Variants in GPLD1 observed in about 807,000 individuals in gnomAD.
The protein encoded by GPLD1 is phosphatidylinositol-glycan-specific phospholipase D.
Under a neutral mutation model 112.6 loss-of-function variants are expected in GPLD1, and 84 were observed. The ratio of observed to expected loss-of-function variants is 0.75; its 90% CI spans 0.63 to 0.89. GPLD1 has a LOEUF of 0.89. Among genes scored for constraint, GPLD1 ranks in the 40% least tolerant of loss-of-function variants. The pLI, the probability that GPLD1 is intolerant of heterozygous loss-of-function variation, is 0.00. For missense variants in GPLD1, 1,044 were observed against 1,051.5 expected, an observed-to-expected ratio of 0.99 and a Z score of 0.10; for synonymous variants, 386 against 403.8, an observed-to-expected ratio of 0.96 and a Z score of 0.53.
At position 24,457,479 on chromosome 6, in the gene GPLD1, TCAA is replaced by T. The variant is rs370044973; in HGVS notation, c.1009-845_1009-843del. ...CTGAGCAACAGAATGAGACTCTGTC[TCAA>T]CAACAAGAAAAAGAACAAGTCCTTT... On this transcript the variant is annotated intron_variant, in intron 12 of 24. Coordinates refer to ENST00000230036, the MANE Select transcript of GPLD1 (RefSeq NM_001503.4). 1.9e-3 allele frequency among the ~76,000 whole-genome samples: 293 copies of T among 152,272 alleles called. 2 individuals are homozygous for T. Among genetic ancestry groups the T allele is most frequent in the African/African-American group, 6.8e-3 (284 of 41,560 alleles).
intron 17 of GPLD1, among the ~76,000 whole-genome samples, chr6:24,447,524 G>GA (rs1762947295): frequency 7.0e-6 from 1 of 142,490 alleles, no homozygotes; most frequent in Admixed American, 7.1e-5. Flanking sequence ...TCAAAAAAAA[G>GA]AAAAAACAAC....
At chr6:24,459,977 T>G (rs1172366616) in intron 12 of GPLD1, among the ~76,000 whole-genome samples, 1 of 152,176 alleles carries the variant, frequency 6.6e-6, no homozygotes, top group East Asian at 1.9e-4. Flanking sequence ...TAGCTCACTG[T>G]AGCCTTGAAC....
At chr6:24,484,161 C>T (rs1181579775) in intron 2 of GPLD1, among the ~76,000 whole-genome samples, 4 of 152,070 alleles carry the variant, frequency 2.6e-5, no homozygotes, top group Non-Finnish European at 4.4e-5. Context: ...ATGATCTGCC[C>T]GCCTTGGCCT....
intron 24 of GPLD1, among the ~76,000 whole-genome samples, chr6:24,431,736 T>C (rs1762411240): frequency 6.6e-6 from 1 of 151,436 alleles, no homozygotes. Flanking sequence ...GGTTTCACCA[T>C]GTTGACCAGG....
intron 1 of GPLD1, among the ~76,000 whole-genome samples, chr6:24,489,034 A>G (rs1261567844): frequency 6.6e-6 from 1 of 152,174 alleles, no homozygotes; most frequent in Non-Finnish European, 1.5e-5. Context: ...TTGGACATGT[A>G]AAAACAACAA....
intron 22 of GPLD1, chr6:24,435,836 A>AAAAAAAAAAAAATAAAAAAAAT (rs1427422814): frequency 4.1e-5 from 6 of 146,526 alleles, no homozygotes; most frequent in East Asian, 2.0e-4. Flanking sequence ...AAAAAAAAAA[A>AAAAAAAAAAAAATAAAAAAAAT]AAAAAAAAAA....
At chr6:24,468,609 A>C (rs1051487005) in intron 7 of GPLD1, among the ~76,000 whole-genome samples, 3 of 151,154 alleles carry the variant, frequency 2.0e-5, no homozygotes, top group East Asian at 3.9e-4. Context: ...GCTGGAGTGC[A>C]GTGGTGCGAT....
At chr6:24,479,794 A>T (rs1009665334) in intron 3 of GPLD1, 87 bp downstream of exon 3, 37 of 685,464 alleles carry the variant, frequency 5.4e-5, no homozygotes, top group South Asian at 1.3e-4. Context: ...TATATTGTAC[A>T]CACATATATA....
At position 24,446,911 on chromosome 6, in the gene GPLD1, A is replaced by G. The variant is rs753859555; in HGVS notation, c.1747T>C (p.Ser583Pro). Residue 583 changes from serine (S) to proline (P), a missense_variant, in exon 18 of 25, where the codon TCC becomes CCC. Coordinates refer to ENST00000230036, the MANE Select transcript of GPLD1 (RefSeq NM_001503.4). The stretch of plus-strand genomic sequence containing the variant: ...TTGTCCACAGTGACACCGTGAAGGG[A>G]ATATCCAAACCAGGAGAAGTCTTCC... ...GEEDFSWFGY[S>P]LHGVTVDNRT... The G allele has an allele frequency of 1.1e-5, 18 of 1,613,980 alleles. 1 individual carries two copies. In the Admixed American group the frequency reaches 2.5e-4, roughly 22 times the overall value.
chr6:24,473,986 C>T (rs1304944036), intron 5 of GPLD1, among the ~76,000 whole-genome samples: 1 of 151,956 alleles, frequency 6.6e-6, no homozygotes, highest in Non-Finnish European at 1.5e-5. Context: ...ATTGGCCGGG[C>T]ATGGTGGCGG....
rs148879858 is a variant in GPLD1 at position 24,479,138 on chromosome 6, A to T, written c.232+743T>A. ...CCAGAGACGTGCAAGCCCCAAGATA[A>T]CCTCCCCTCCAGCCAGAGAGATGTC... On this transcript the variant is annotated intron_variant, in intron 3 of 24. Transcript: ENST00000230036. Among the ~76,000 whole-genome samples, 225 of 151,920 alleles carry T rather than the reference A, an allele frequency of 1.5e-3. 3 individuals carry two copies. Among genetic ancestry groups the T allele is most frequent in the African/African-American group, 5.2e-3 (217 of 41,374 alleles).
At chr6:24,463,755 C>A (rs1763509373) in intron 10 of GPLD1, among the ~76,000 whole-genome samples, 1 of 152,154 alleles carries the variant, frequency 6.6e-6, no homozygotes. Flanking sequence ...CTGGGAAATG[C>A]CTGTTACTAT....
chr6:24,431,683 C>T (rs1762409366), intron 24 of GPLD1, among the ~76,000 whole-genome samples: 1 of 151,926 alleles, frequency 6.6e-6, no homozygotes, highest in Non-Finnish European at 1.5e-5. Flanking sequence ...TATAGGCATG[C>T]ACCACCACGC....
intron 5 of GPLD1, 57 bp from the exon 6 acceptor site, chr6:24,473,724 C>T: frequency 1.7e-6 from 2 of 1,170,094 alleles, no homozygotes; most frequent in Non-Finnish European, 2.5e-6. Context: ...CCAACTCTTA[C>T]TTCCACAGTC....
At chr6:24,433,020 A>G (rs1016818596) in intron 24 of GPLD1, among the ~76,000 whole-genome samples, 167 bp downstream of exon 24, 5 of 152,228 alleles carry the variant, frequency 3.3e-5, no homozygotes, top group Non-Finnish European at 1.5e-5. Context: ...TAAAAAGGGA[A>G]ACTTTCCACC....
chr6:24,495,110 G>A (rs1231975480), exon 1 of GPLD1: 2 of 1,309,490 alleles, frequency 1.5e-6, no homozygotes, highest in Admixed American at 4.1e-5. Flanking sequence ...CCGGGCCTGC[G>A]CCCGGCCCGG....
Position 24,462,721 on chromosome 6 carries a change from T to A in GPLD1, c.887+9A>T. 6.3e-7 allele frequency: 1 copy of A among 1,599,110 alleles called. No homozygotes were observed. Among genetic ancestry groups the A allele is most frequent in the African/African-American group, 1.3e-5 (1 of 74,756 alleles). On this transcript the variant is annotated intron_variant, in intron 11 of 24. Coordinates refer to ENST00000230036, the MANE Select transcript of GPLD1 (RefSeq NM_001503.4). ...ACTTTTTCTATGAACAATTTTGGAA[T>A]CCACTTACCCCTGGGTGTGGTTTTG... is the stretch of plus-strand genomic sequence containing the variant.
intron 3 of GPLD1, among the ~76,000 whole-genome samples, chr6:24,477,273 C>G (rs953249470): frequency 1.4e-5 from 2 of 147,970 alleles, no homozygotes; most frequent in African/African-American, 5.0e-5. Context: ...TAGATGCTGA[C>G]AGCTGGCAAG....
downstream of GPLD1, chr6:24,425,132 G>T (rs1031502568): frequency 1.3e-5 from 2 of 152,152 alleles, no homozygotes; most frequent in Middle Eastern, 3.2e-3. Context: ...AATCTCTTAG[G>T]ATTTTTAAGA....
Sources: gnomAD v4.1 joint callset for allele counts (sites outside exome capture counted in the v4.1 genomes callset) on GRCh38, gnomAD v4.1.1 for gene constraint, MANE v1.5 for transcripts, NCBI Gene and HGNC (gene_info 2026-07-23, HGNC 2026-07-21) for gene names.